The following TENM1 variants were observed in gnomAD, a reference collection of about 807,000 sequenced individuals.
The protein encoded by TENM1 is teneurin-1.
In TENM1, 35 loss-of-function variants were observed where a neutral mutation model predicts 174.8. The observed-to-expected ratio is 0.20, with a 90% CI of 0.15 to 0.27. The LOEUF (loss-of-function observed/expected upper bound fraction) is 0.27. Ranked by LOEUF, TENM1 falls within the 10% of genes least tolerant of loss-of-function variation. TENM1 has a pLI of 1.00. For synonymous variants in TENM1, 781 were observed against 798.7 expected (o/e 0.98, Z 0.37); for missense variants, 1,633 against 2,130.1 (o/e 0.77, Z 4.59).
upstream of TENM1, among the ~76,000 whole-genome samples, chrX:124,965,411 C>T (rs1603295036): frequency 8.9e-6 from 1 of 111,887 alleles, no homozygotes; most frequent in South Asian, 3.7e-4. Context: ...AAGGCTTACA[C>T]ATTTGACTGA....
chrX:125,121,206 C>T, the TENM1 span, among the ~76,000 whole-genome samples: 33 of 111,245 alleles, frequency 3.0e-4, no homozygotes, highest in African/African-American at 9.5e-4. Flanking sequence ...ATCTTTGGAC[C>T]TCATCCTATC....
chrX:124,426,293 C>A (rs1182494390), intron 23 of TENM1, among the ~76,000 whole-genome samples: 1 of 111,716 alleles, frequency 9.0e-6, no homozygotes, highest in Non-Finnish European at 1.9e-5. Context: ...AAGTCCCATT[C>A]ATGGCCAAAA....
intron 3 of TENM1, among the ~76,000 whole-genome samples, chrX:124,738,996 C>T (rs1483820843): frequency 1.8e-5 from 2 of 111,976 alleles, no homozygotes; most frequent in African/African-American, 3.3e-5. Context: ...GAATTGTCCA[C>T]ATTTTCTTGA....
At chrX:124,853,708 G>T (rs6649293) in intron 3 of TENM1, among the ~76,000 whole-genome samples, 1 of 110,884 alleles carries the variant, frequency 9.0e-6, no homozygotes, top group Non-Finnish European at 1.9e-5. Context: ...ACTAGAATGG[G>T]AACTGACTTA....
At chrX:125,094,762 G>A in the TENM1 span, among the ~76,000 whole-genome samples, 1 of 112,066 alleles carries the variant, frequency 8.9e-6, no homozygotes, top group Non-Finnish European at 1.9e-5. Flanking sequence ...GTATAAGTCA[G>A]GTGATATAAT....
chrX:124,786,475 G>A (rs1370128884), intron 3 of TENM1, among the ~76,000 whole-genome samples: 5 of 111,791 alleles, frequency 4.5e-5, no homozygotes, highest in Non-Finnish European at 7.5e-5. Context: ...TGGCATGCAG[G>A]AGGACTGCGT....
chrX:124,482,458 T>C (rs2046866277), intron 21 of TENM1, among the ~76,000 whole-genome samples: 1 of 111,362 alleles, frequency 9.0e-6, no homozygotes, highest in Non-Finnish European at 1.9e-5. Context: ...TTGAAAGGCA[T>C]GTCCAAAGCT....
chrX:124,951,212 T>C (rs1466289231), intron 1 of TENM1, among the ~76,000 whole-genome samples: 3 of 111,944 alleles, frequency 2.7e-5, no homozygotes, highest in African/African-American at 9.7e-5. Flanking sequence ...AATATCTACA[T>C]TTCCATTCAC....
At chrX:124,791,570 A>T (rs780878365) in intron 3 of TENM1, among the ~76,000 whole-genome samples, 1 of 111,526 alleles carries the variant, frequency 9.0e-6, no homozygotes, top group Admixed American at 9.6e-5. Flanking sequence ...ACACATACTC[A>T]CGCTCATGCT....
intron 3 of TENM1, among the ~76,000 whole-genome samples, chrX:124,758,311 G>A (rs143708589): frequency 5.4e-5 from 6 of 111,614 alleles, no homozygotes; most frequent in South Asian, 3.8e-4. Context: ...AATCATCAGC[G>A]TAATGCAAAT....
At chrX:125,202,861 T>C in the TENM1 span, among the ~76,000 whole-genome samples, 1 of 112,231 alleles carries the variant, frequency 8.9e-6, no homozygotes, top group Admixed American at 9.4e-5. Context: ...GAAACTAAAT[T>C]GGCAATCCTC....
chrX:124,823,349 T>C (rs903418731), intron 3 of TENM1, among the ~76,000 whole-genome samples: 1 of 111,921 alleles, frequency 8.9e-6, no homozygotes, highest in Non-Finnish European at 1.9e-5. Context: ...TCAAATAAAT[T>C]ATGTAGAAAC....
intron 23 of TENM1, among the ~76,000 whole-genome samples, chrX:124,436,771 C>A (rs762285808): frequency 9.0e-6 from 1 of 110,965 alleles, no homozygotes; most frequent in South Asian, 3.8e-4. Context: ...ACAACCCCAA[C>A]CTCTTCCCTT....
At chrX:124,774,071 A>T (rs760036895) in intron 3 of TENM1, among the ~76,000 whole-genome samples, 1 of 112,435 alleles carries the variant, frequency 8.9e-6, no homozygotes, top group South Asian at 3.6e-4. Context: ...TTAGGTCCCT[A>T]AGAATTTCAG....
chrX:124,497,197 T>C, exon 20 of TENM1: 1 of 1,208,784 alleles, frequency 8.3e-7, no homozygotes, highest in Non-Finnish European at 1.1e-6. Context: ...CCATTACCCA[T>C]TATGGTTGAT....
At chrX:124,902,462 T>C (rs771487932) in intron 1 of TENM1, among the ~76,000 whole-genome samples, 5 of 112,408 alleles carry the variant, frequency 4.4e-5, no homozygotes, top group African/African-American at 1.6e-4. Flanking sequence ...AACATGGCTA[T>C]TGGAAACATA....
the TENM1 span, among the ~76,000 whole-genome samples, chrX:125,175,621 G>A: frequency 1.8e-5 from 2 of 111,041 alleles, no homozygotes; most frequent in African/African-American, 6.5e-5. Context: ...AAAGCAATGA[G>A]AATAAAGGGC....
intron 15 of TENM1, among the ~76,000 whole-genome samples, chrX:124,531,941 T>C (rs1328911770): frequency 9.2e-6 from 1 of 108,527 alleles, no homozygotes; most frequent in Admixed American, 9.8e-5. Context: ...GGGTGTAGAT[T>C]GAATGGAAAC....
the TENM1 span, among the ~76,000 whole-genome samples, chrX:125,161,594 T>C: frequency 9.0e-6 from 1 of 111,649 alleles, no homozygotes; most frequent in Non-Finnish European, 1.9e-5. Context: ...GGAAAATCCA[T>C]AGAGACAAAA....
Sources: allele counts gnomAD v4.1 joint callset (sites outside exome capture counted in the v4.1 genomes callset), GRCh38; gene constraint gnomAD v4.1.1; transcripts MANE v1.5; gene names NCBI Gene and HGNC (gene_info 2026-07-23, HGNC 2026-07-21).